Variants in FNDC3B observed in about 807,000 individuals in gnomAD.
FNDC3B encodes the protein fibronectin type III domain-containing protein 3B.
A neutral mutation model predicts 151.5 loss-of-function variants in FNDC3B; 12 were observed. That is an observed-to-expected ratio of 0.08 (90% CI 0.05 to 0.13). FNDC3B has a LOEUF of 0.13. FNDC3B is among the 10% of genes least tolerant of loss of function. The probability of loss-of-function intolerance (pLI) is 1.00; values close to 1 mark genes in which losing one functional copy is unlikely to be tolerated. For missense variants in FNDC3B, 1,214 were observed against 1,505.3 expected, an observed-to-expected ratio of 0.81 and a Z score of 3.20; for synonymous variants, 528 against 549.0, an observed-to-expected ratio of 0.96 and a Z score of 0.54.
At chr3:172,294,905 A>T (rs1161521929) in intron 7 of FNDC3B, among the ~76,000 whole-genome samples, 2 of 152,236 alleles carry the variant, frequency 1.3e-5, no homozygotes, top group Admixed American at 1.3e-4. Flanking sequence ...CCTTGGTTCC[A>T]GTTTTCCACC....
chr3:172,351,072 C>A (rs537807444), intron 21 of FNDC3B, among the ~76,000 whole-genome samples: 30 of 152,278 alleles, frequency 2.0e-4, no homozygotes, highest in Non-Finnish European at 3.4e-4. Flanking sequence ...GTGAGCCAGA[C>A]AGGCAACTTT....
intron 11 of FNDC3B, among the ~76,000 whole-genome samples, chr3:172,312,903 T>C (rs1219098920): frequency 1.3e-5 from 2 of 152,220 alleles, no homozygotes; most frequent in Non-Finnish European, 2.9e-5. Context: ...CCACAGCCTC[T>C]GCTGAAACAG....
intron 1 of FNDC3B, among the ~76,000 whole-genome samples, chr3:172,104,222 A>G (rs1719515654): frequency 6.6e-6 from 1 of 152,086 alleles, no homozygotes; most frequent in Non-Finnish European, 1.5e-5. Flanking sequence ...AGCAATTGGT[A>G]TTGAAGGGAG....
At chr3:172,061,860 G>A (rs973465476) in intron 1 of FNDC3B, among the ~76,000 whole-genome samples, 17 of 152,088 alleles carry the variant, frequency 1.1e-4, no homozygotes, top group Non-Finnish European at 1.8e-4. Context: ...TAACTAAGTC[G>A]GGGCAAAGAA....
intron 1 of FNDC3B, among the ~76,000 whole-genome samples, chr3:172,100,991 G>C (rs1719352842): frequency 6.6e-6 from 1 of 152,108 alleles, no homozygotes; most frequent in Non-Finnish European, 1.5e-5. Flanking sequence ...ATAAATAGGA[G>C]GAACTGTCAG....
intron 22 of FNDC3B, 136 bp downstream of exon 22, chr3:172,353,219 A>G: frequency 1.2e-6 from 1 of 845,830 alleles, no homozygotes; most frequent in Middle Eastern, 3.6e-4. Flanking sequence ...GTATTGTCTC[A>G]CCTTGATCCC....
chr3:172,375,532 A>G (rs1192853092), intron 23 of FNDC3B, among the ~76,000 whole-genome samples: 1 of 152,146 alleles, frequency 6.6e-6, no homozygotes, highest in Non-Finnish European at 1.5e-5. Flanking sequence ...ATGACATAGG[A>G]ATTACTTACC....
chr3:172,296,704 C>T (rs1293089749), intron 8 of FNDC3B, among the ~76,000 whole-genome samples: 1 of 137,004 alleles, frequency 7.3e-6, no homozygotes, highest in Non-Finnish European at 1.6e-5. Flanking sequence ...ATACAGAGTG[C>T]CATGTCCCCC....
chr3:172,362,298 C>T (rs1215540924), intron 22 of FNDC3B, among the ~76,000 whole-genome samples: 2 of 152,196 alleles, frequency 1.3e-5, no homozygotes, highest in Non-Finnish European at 2.9e-5. Flanking sequence ...CAAAACTGAC[C>T]ATGAGGTAGC....
At chr3:172,127,778 G>C (rs901691973) in intron 2 of FNDC3B, among the ~76,000 whole-genome samples, 4 of 152,102 alleles carry the variant, frequency 2.6e-5, no homozygotes, top group Non-Finnish European at 4.4e-5. Flanking sequence ...CGATTCTCAT[G>C]CCTCAGCCTC....
At chr3:172,041,609 CT>C (rs1359534139) in intron 1 of FNDC3B, among the ~76,000 whole-genome samples, 1 of 140,334 alleles carries the variant, frequency 7.1e-6, no homozygotes, top group African/African-American at 2.5e-5. Context: ...GGAATCTGCT[CT>C]GGAATAACAC....
At chr3:172,129,087 C>A (rs1720944994) in intron 2 of FNDC3B, among the ~76,000 whole-genome samples, 1 of 152,138 alleles carries the variant, frequency 6.6e-6, no homozygotes, top group South Asian at 2.1e-4. Context: ...TCCTGCCTCA[C>A]CCTCCTGAGT....
At chr3:172,242,386 G>A (rs972931552) in intron 4 of FNDC3B, among the ~76,000 whole-genome samples, 2 of 152,184 alleles carry the variant, frequency 1.3e-5, no homozygotes, top group Non-Finnish European at 2.9e-5. Context: ...GGTTCTCGAT[G>A]ACAGCCCCAC....
intron 3 of FNDC3B, among the ~76,000 whole-genome samples, chr3:172,177,882 G>A (rs2108647122): frequency 6.6e-6 from 1 of 151,908 alleles, no homozygotes; most frequent in South Asian, 2.1e-4. Context: ...CCCAGTGTGT[G>A]TTGTTCCCCT....
At chr3:172,385,683 C>T (rs561289032) in intron 25 of FNDC3B, among the ~76,000 whole-genome samples, 7 of 151,864 alleles carry the variant, frequency 4.6e-5, no homozygotes, top group Admixed American at 1.3e-4. Flanking sequence ...CTCAGCCTCC[C>T]GAGTAGCTGG....
intron 3 of FNDC3B, among the ~76,000 whole-genome samples, chr3:172,182,516 G>A (rs149504246): frequency 6.6e-6 from 1 of 152,296 alleles, no homozygotes; most frequent in African/African-American, 2.4e-5. Flanking sequence ...GGGCAGTGGT[G>A]TTGTGGTAGA....
At chr3:172,226,396 A>G (rs1246617554) in intron 3 of FNDC3B, among the ~76,000 whole-genome samples, 1 of 152,082 alleles carries the variant, frequency 6.6e-6, no homozygotes, top group East Asian at 1.9e-4. Flanking sequence ...AAATTATGGC[A>G]TATTACAGTA....
chr3:172,343,982 C>A, intron 18 of FNDC3B, 104 bp from the exon 19 acceptor site: 1 of 998,790 alleles, frequency 1.0e-6, no homozygotes, highest in Non-Finnish European at 1.5e-6. Context: ...ATACTGAGGC[C>A]GGCCACCTAT....
chr3:172,375,558 T>G (rs1279701539), intron 23 of FNDC3B, among the ~76,000 whole-genome samples: 2 of 152,190 alleles, frequency 1.3e-5, no homozygotes, highest in Non-Finnish European at 2.9e-5. Context: ...TTTTGGCTAT[T>G]TCCATACACA....
Sources: gnomAD v4.1 joint callset for allele counts (sites outside exome capture counted in the v4.1 genomes callset) on GRCh38, gnomAD v4.1.1 for gene constraint, MANE v1.5 for transcripts, NCBI Gene and HGNC (gene_info 2026-07-23, HGNC 2026-07-21) for gene names.